The following DAB1 variants were observed in gnomAD, a reference collection of about 807,000 sequenced individuals.
DAB1 encodes disabled homolog 1.
A neutral mutation model predicts 64.6 loss-of-function variants in DAB1; 15 were observed. That is an observed-to-expected ratio of 0.23 (90% CI 0.16 to 0.36). The LOEUF is 0.36. Among genes scored for constraint, DAB1 ranks in the 10% least tolerant of loss-of-function variants. The pLI is 1.00. For missense variants in DAB1, 596 were observed against 706.7 expected (o/e 0.84, Z 1.78); for synonymous variants, 235 against 251.9 (o/e 0.93, Z 0.64).
At chr1:57,074,093 C>G (rs1057476007) in intron 4 of DAB1, among the ~76,000 whole-genome samples, 3 of 152,096 alleles carry the variant, frequency 2.0e-5, no homozygotes, top group Non-Finnish European at 4.4e-5. Flanking sequence ...TGGTCTCAGA[C>G]TCCTGGGCTC....
intron 2 of DAB1, among the ~76,000 whole-genome samples, chr1:57,259,938 A>C (rs970561102): frequency 2.6e-5 from 4 of 152,180 alleles, no homozygotes; most frequent in Non-Finnish European, 5.9e-5. Context: ...GAGATTTTTT[A>C]AAAAGCAGGA....
intron 5 of DAB1, among the ~76,000 whole-genome samples, chr1:58,131,273 T>C (rs1653548667): frequency 7.0e-6 from 1 of 142,170 alleles, no homozygotes; most frequent in Non-Finnish European, 1.6e-5. Context: ...TTCTGCATTC[T>C]TCACGTAGTT....
chr1:58,511,156 C>T, intron 2 of DAB1, among the ~76,000 whole-genome samples: 1 of 152,106 alleles, frequency 6.6e-6, no homozygotes, highest in East Asian at 1.9e-4. Context: ...CCACAACTAA[C>T]CCCAAATCGC....
At chr1:58,084,112 A>G (rs569484064) in intron 5 of DAB1, among the ~76,000 whole-genome samples, 2 of 152,192 alleles carry the variant, frequency 1.3e-5, no homozygotes, top group African/African-American at 4.8e-5. Context: ...ATATGTAAAG[A>G]CTTAAATAGT....
rs1325593862 is a variant in DAB1 at position 57,015,042 on chromosome 1, G to A, written c.1285C>T (p.Arg429Cys). 25 of 1,613,998 alleles carry A rather than the reference G, an allele frequency of 1.5e-5. No homozygotes were observed. The highest frequency in any genetic ancestry group is 2.2e-5 in the East Asian group (1 of 44,892). Residue 429 changes from arginine to cysteine, a missense_variant, in exon 12 of 15, where the codon CGC (arginine) becomes TGC (cysteine). Physicochemically the swap from Arg to Cys is radical, Grantham distance 180. Around this residue, in one of 3 missense-constraint regions of DAB1, gnomAD observed 377 missense variants for 400.4 expected, o/e 0.94. Coordinates refer to ENST00000371236, the MANE Select transcript of DAB1 (RefSeq NM_001365792.1). ...GTGAGGGAGGGCTGGTCGGGTTTGC[G>A]GGAGGGCACGGGCGGAGGCTGGGCC... ...QMAQPPPVPS[R>C]KPDQPSLTCT...
At chr1:57,009,674 C>G (rs972867370) in intron 14 of DAB1, among the ~76,000 whole-genome samples, 6 of 152,124 alleles carry the variant, frequency 3.9e-5, no homozygotes, top group Admixed American at 2.6e-4. Context: ...CCTTGCAGTC[C>G]TGTGTGTTTA....
intron 3 of DAB1, among the ~76,000 whole-genome samples, chr1:58,422,155 C>T (rs706421): frequency 0.34 from 52,216 of 151,786 alleles, 9,955 homozygotes; most frequent in African/African-American, 0.52. Context: ...GGGCAAGTTA[C>T]TGAATCTCTG....
At chr1:57,323,583 A>G (rs908466321) in intron 1 of DAB1, among the ~76,000 whole-genome samples, 4 of 152,172 alleles carry the variant, frequency 2.6e-5, no homozygotes, top group African/African-American at 9.7e-5. Flanking sequence ...TTTAAACCGT[A>G]TCACCAGAAC....
chr1:58,406,715 C>A lies in DAB1; in HGVS notation n.258-63312G>T, dbSNP rs1238816. On this transcript the variant is annotated intron_variant and non_coding_transcript_variant, in intron 3 of 20. Transcript: ENST00000485760. Reference sequence around the variant, plus strand: ...GAAAAGAACGATAATATCATCCCCCCCCCCCAACTGCCACCATCTCACCAA... The same window carrying A: ...GAAAAGAACGATAATATCATCCCCCACCCCCAACTGCCACCATCTCACCAA... 8.4e-5 allele frequency among the ~76,000 whole-genome samples: 7 copies of A among 83,630 alleles called. 1 individual carries two copies. In the South Asian group the frequency reaches 9.8e-4, roughly 12 times the overall value. The allele number at this position is 83,630 out of a possible 152,430, so 54.9% of individuals were successfully genotyped here.
intron 4 of DAB1, among the ~76,000 whole-genome samples, chr1:58,255,783 A>G (rs1346141496): frequency 6.6e-6 from 1 of 152,166 alleles, no homozygotes. Flanking sequence ...ATTAACAGGC[A>G]TCTAATGTGG....
At chr1:57,585,947 C>T (rs1645374031) in intron 7 of DAB1, among the ~76,000 whole-genome samples, 1 of 152,126 alleles carries the variant, frequency 6.6e-6, no homozygotes, top group Non-Finnish European at 1.5e-5. Flanking sequence ...GTTACTTGGG[C>T]CAACTGGGCT....
At chr1:57,134,824 A>T (rs2100791663) in intron 4 of DAB1, among the ~76,000 whole-genome samples, 1 of 152,228 alleles carries the variant, frequency 6.6e-6, no homozygotes, top group Admixed American at 6.5e-5. Context: ...AGTTATGTAA[A>T]CTTTTCTGTC....
At chr1:57,541,153 G>C (rs1570609719) in intron 7 of DAB1, among the ~76,000 whole-genome samples, 2 of 150,610 alleles carry the variant, frequency 1.3e-5, no homozygotes, top group South Asian at 4.2e-4. Context: ...TTTTGAGAGG[G>C]AGTCTTGCTC....
intron 4 of DAB1, among the ~76,000 whole-genome samples, chr1:58,159,389 T>C (rs547826821): frequency 3.1e-4 from 47 of 152,330 alleles, no homozygotes; most frequent in African/African-American, 1.1e-3. Flanking sequence ...GAACATACTA[T>C]GTTATTCCTA....
intron 5 of DAB1, among the ~76,000 whole-genome samples, chr1:58,025,919 G>A (rs1027001410): frequency 2.6e-5 from 4 of 151,744 alleles, no homozygotes; most frequent in Non-Finnish European, 5.9e-5. Flanking sequence ...TCCAGTTTCT[G>A]ACCCTGTGCA....
At position 57,263,640 on chromosome 1, in the gene DAB1, G is replaced by T. The variant is rs2100565098; in HGVS notation, c.67+27324C>A. Among the ~76,000 whole-genome samples, 2 of 152,240 alleles carry T rather than the reference G, an allele frequency of 1.3e-5. 1 individual carries two copies. The highest frequency in any genetic ancestry group is 4.1e-4 in the South Asian group (2 of 4,824). On this transcript the variant is annotated intron_variant, in intron 2 of 14. Coordinates refer to ENST00000371236, the MANE Select transcript of DAB1 (RefSeq NM_001365792.1). ...TATCTGTCCTTTCTGAGTGCTATGA[G>T]CCATTAGGAGAAAATGTATCTCTCA...
intron 11 of DAB1, 25 bp from the exon 12 acceptor site, chr1:57,015,456 A>T: frequency 6.3e-7 from 1 of 1,579,516 alleles, no homozygotes; most frequent in South Asian, 1.2e-5. Flanking sequence ...AAGGAGAGTC[A>T]GGTGTTTCCC....
intron 2 of DAB1, among the ~76,000 whole-genome samples, chr1:57,229,464 G>C (rs1378689826): frequency 1.3e-5 from 2 of 151,500 alleles, no homozygotes; most frequent in Non-Finnish European, 2.9e-5. Context: ...CAAAAGGCTG[G>C]GATTACAGAC....
chr1:57,581,286 A>T (rs1645308852), intron 7 of DAB1, among the ~76,000 whole-genome samples: 1 of 152,208 alleles, frequency 6.6e-6, no homozygotes, highest in Non-Finnish European at 1.5e-5. Flanking sequence ...TTCAGAGAAA[A>T]ACTCTAGGGG....
Sources: gnomAD v4.1 joint callset for allele counts (sites outside exome capture counted in the v4.1 genomes callset) on GRCh38, gnomAD v4.1.1 for gene constraint, gnomAD v4.1.1 regional missense constraint, MANE v1.5 for transcripts, NCBI Gene and HGNC (gene_info 2026-07-23, HGNC 2026-07-21) for gene names.